Variants in EHMT1 observed in about 807,000 individuals in gnomAD.
EHMT1 encodes the protein euchromatic histone lysine methyltransferase 1, also known as histone-lysine N-methyltransferase EHMT1.
A neutral mutation model predicts 147.2 loss-of-function variants in EHMT1; 15 were observed. That is an observed-to-expected ratio of 0.10 (90% CI 0.07 to 0.16). The LOEUF (loss-of-function observed/expected upper bound fraction) is 0.16, where lower values mean the gene tolerates loss of function less well. Ranked by LOEUF, EHMT1 falls within the 10% of genes least tolerant of loss-of-function variation. EHMT1 has a pLI of 1.00. For synonymous variants in EHMT1, 795 were observed against 709.6 expected (o/e 1.12, Z -1.91); for missense variants, 1,587 against 1,772.4 (o/e 0.90, Z 1.88).
rs1950921743 is a variant in EHMT1 at position 137,775,923 on chromosome 9, GAGCCTCTGCCTGTA to G, written c.1791+675_1792-678del. ...TGTCTGTGCGCGCACACATCTGTGT[GAGCCTCTGCCTGTA>G]AGCGTCTGTCTGTGTGCGCCTGTGT... is the stretch of plus-strand genomic sequence containing the variant. On this transcript the variant is annotated intron_variant, in intron 11 of 26. Coordinates refer to ENST00000460843, the MANE Select transcript of EHMT1 (RefSeq NM_024757.5). The surrounding 1 kb of genome is among the most constrained non-coding windows in gnomAD (Gnocchi z 6.1). Among the ~76,000 whole-genome samples the G allele has an allele frequency of 2.0e-5, 3 of 151,968 alleles. No individual in the cohort carries two copies. Among genetic ancestry groups the G allele is most frequent in the Admixed American group, 2.0e-4 (3 of 15,264 alleles).
chr9:137,658,816 G>A (rs919914324), intron 1 of EHMT1, among the ~76,000 whole-genome samples: 5 of 152,022 alleles, frequency 3.3e-5, no homozygotes, highest in African/African-American at 1.2e-4. Context: ...GTAGAAACAA[G>A]GTCTCACTGT....
intron 1 of EHMT1, among the ~76,000 whole-genome samples, chr9:137,642,721 G>T (rs927972775): frequency 6.6e-6 from 1 of 152,138 alleles, no homozygotes; most frequent in African/African-American, 2.4e-5. Context: ...TACACTGTGT[G>T]CCCATCTACG....
At chr9:137,716,560 G>GTGGTGGTGTCATGGTGGGGGAGGAA in intron 2 of EHMT1, 66 bp from the exon 3 acceptor site, 2 of 1,278,022 alleles carry the variant, frequency 1.6e-6, no homozygotes, top group African/African-American at 1.6e-5. Context: ...GGGAGGAAGT[G>GTGGTGGTGTCATGGTGGGGGAGGAA]GTGGTGGTGG....
At chr9:137,670,091 C>T (rs527561375) in intron 1 of EHMT1, among the ~76,000 whole-genome samples, 2 of 152,232 alleles carry the variant, frequency 1.3e-5, no homozygotes, top group East Asian at 3.9e-4. Context: ...AACTCTTGGC[C>T]TCAAGTGATC....
At chr9:137,688,585 A>G (rs907039186) in intron 1 of EHMT1, among the ~76,000 whole-genome samples, 1 of 152,252 alleles carries the variant, frequency 6.6e-6, no homozygotes. Context: ...AGAAATATCA[A>G]TGTAGAGCAT....
chr9:137,806,135 T>A (rs575306663), intron 18 of EHMT1, among the ~76,000 whole-genome samples: 2 of 151,998 alleles, frequency 1.3e-5, no homozygotes, highest in South Asian at 4.2e-4. Flanking sequence ...AATTTTTGTA[T>A]TTTTATTAGG....
At chr9:137,774,367 G>C (rs889004348) in intron 10 of EHMT1, among the ~76,000 whole-genome samples, 12 of 150,524 alleles carry the variant, frequency 8.0e-5, no homozygotes, top group South Asian at 2.1e-4. Flanking sequence ...GGTGGGTGTG[G>C]GCACGCCTGG....
At chr9:137,737,084 G>C (rs564121484) in intron 4 of EHMT1, among the ~76,000 whole-genome samples, 15 of 152,064 alleles carry the variant, frequency 9.9e-5, no homozygotes, top group African/African-American at 3.4e-4. Flanking sequence ...AGTGCCTGTG[G>C]TTCCAGCTAC....
chr9:137,699,117 G>C (rs867116572), intron 1 of EHMT1, among the ~76,000 whole-genome samples: 1 of 152,208 alleles, frequency 6.6e-6, no homozygotes, highest in African/African-American at 2.4e-5. Flanking sequence ...GCAGGCATTT[G>C]AACCCTGAAG....
chr9:137,630,431 A>G (rs976658026), intron 1 of EHMT1, among the ~76,000 whole-genome samples: 1 of 152,168 alleles, frequency 6.6e-6, no homozygotes, highest in African/African-American at 2.4e-5. Context: ...TTTTCCTTTA[A>G]CAGCTTCTTG....
At chr9:137,761,907 C>T (rs1205611873) in intron 9 of EHMT1, among the ~76,000 whole-genome samples, 1 of 152,244 alleles carries the variant, frequency 6.6e-6, no homozygotes, top group East Asian at 1.9e-4. Context: ...AGCCACTTGC[C>T]AAGCTTAAGG....
chr9:137,642,103 G>A (rs1461184712), intron 1 of EHMT1, among the ~76,000 whole-genome samples: 1 of 152,096 alleles, frequency 6.6e-6, no homozygotes, highest in South Asian at 2.1e-4. Context: ...GCCTCCCAAA[G>A]TGCTGGGATT....
chr9:137,687,578 G>A (rs549084591), intron 1 of EHMT1, among the ~76,000 whole-genome samples: 191 of 152,290 alleles, frequency 1.3e-3, no homozygotes, highest in Non-Finnish European at 2.0e-3. Context: ...GTTAGCAGGG[G>A]AGGCTTTTGG....
At chr9:137,768,347 GT>G (rs768762232) in intron 10 of EHMT1, among the ~76,000 whole-genome samples, 1,711 of 92,478 alleles carry the variant, frequency 0.019, 7 homozygotes, top group Non-Finnish European at 0.026. Context: ...TTTTCTGTGT[GT>G]TTTTTTTTTT....
chr9:137,719,394 C>T (rs1020238037), intron 3 of EHMT1, among the ~76,000 whole-genome samples: 47 of 152,062 alleles, frequency 3.1e-4, no homozygotes, highest in Admixed American at 2.4e-3. Flanking sequence ...CGTTGTGGGC[C>T]GGACTGCTGG....
intron 1 of EHMT1, among the ~76,000 whole-genome samples, chr9:137,659,451 C>T (rs4979651): frequency 0.2 from 29,601 of 151,600 alleles, 3,090 homozygotes; most frequent in Admixed American, 0.32. Flanking sequence ...TGCTATGTTC[C>T]CCAGGCTGGA....
intron 4 of EHMT1, chr9:137,742,940 G>A (rs994988649): frequency 3.3e-5 from 9 of 271,608 alleles, no homozygotes; most frequent in Non-Finnish European, 6.4e-5. Context: ...CCTGCTCCGC[G>A]CTGCGTCCTC....
intron 15 of EHMT1, among the ~76,000 whole-genome samples, chr9:137,783,648 T>C (rs1331490030): frequency 6.6e-6 from 1 of 152,188 alleles, no homozygotes; most frequent in Non-Finnish European, 1.5e-5. Flanking sequence ...CAGGCCTGGC[T>C]GTTTTGTTGG....
chr9:137,792,938 G>A (rs965819457), intron 16 of EHMT1, among the ~76,000 whole-genome samples: 6 of 152,158 alleles, frequency 3.9e-5, no homozygotes, highest in Non-Finnish European at 5.9e-5. Context: ...TGCCTGTCAC[G>A]CACTCACGTT....
Sources: gnomAD v4.1 joint callset for allele counts (sites outside exome capture counted in the v4.1 genomes callset) on GRCh38, gnomAD v4.1.1 for gene constraint, Gnocchi (gnomAD v3.1) non-coding constraint, MANE v1.5 for transcripts, NCBI Gene and HGNC (gene_info 2026-07-23, HGNC 2026-07-21) for gene names.